NDUFAB1: variants seen among roughly 807,000 people sequenced by gnomAD.
The protein encoded by NDUFAB1 is acyl carrier protein, mitochondrial.
Under a neutral mutation model 16.1 loss-of-function variants are expected in NDUFAB1, and 5 were observed. That is an observed-to-expected ratio of 0.31 (90% CI 0.16 to 0.65). The LOEUF (loss-of-function observed/expected upper bound fraction) is 0.65. NDUFAB1 is among the 30% of genes least tolerant of loss of function. NDUFAB1 has a pLI of 0.77. For synonymous variants in NDUFAB1, 85 were observed against 78.4 expected, an observed-to-expected ratio of 1.08 and a Z score of -0.44; for missense variants, 187 against 205.3, an observed-to-expected ratio of 0.91 and a Z score of 0.54.
In NDUFAB1 at chr16:23,584,120, C is replaced by T. The variant is rs868058873; in HGVS notation, c.379+1216G>A. On this transcript the variant is annotated intron_variant, in intron 3 of 4. Transcript: ENST00000007516. ...CAAGTACCCAGGGACACAAACACTG[C>T]GGAAGGCCCCAGGGTCCTCTGCCTA... Among the ~76,000 whole-genome samples the T allele has an allele frequency of 1.1e-4, 17 of 151,350 alleles. No homozygotes were observed. The South Asian group carries it at 1.5e-3, about 13-fold the overall frequency.
At chr16:23,587,423 G>A (rs1391024070) in intron 1 of NDUFAB1, 104 bp from the exon 2 acceptor site, 4 of 1,391,912 alleles carry the variant, frequency 2.9e-6, no homozygotes, top group Non-Finnish European at 3.9e-6. Flanking sequence ...GGGCTTTAGA[G>A]AACCCACAGC....
chr16:23,582,723 C>A (rs940668123), intron 3 of NDUFAB1, among the ~76,000 whole-genome samples: 1 of 150,102 alleles, frequency 6.7e-6, no homozygotes, highest in Non-Finnish European at 1.5e-5. Context: ...CCTCTCCCCA[C>A]GGTCTCCCTC....
chr16:23,581,733 A>C (rs905758234), intron 4 of NDUFAB1: 4 of 152,226 alleles, frequency 2.6e-5, no homozygotes, highest in African/African-American at 9.6e-5. Context: ...TTTTGCTTTC[A>C]CAAAAGCCCC....
intron 1 of NDUFAB1, among the ~76,000 whole-genome samples, chr16:23,592,136 G>C (rs766255387): frequency 1.3e-5 from 2 of 152,270 alleles, no homozygotes; most frequent in African/African-American, 4.8e-5. Context: ...GATTTGGTGA[G>C]GAAAAGAGCT....
At chr16:23,583,673 GAA>G in intron 3 of NDUFAB1, among the ~76,000 whole-genome samples, 1 of 126,990 alleles carries the variant, frequency 7.9e-6, no homozygotes, top group African/African-American at 3.3e-5. Context: ...CCCCGTCTGA[GAA>G]GTGAGGAGCC....
intron 3 of NDUFAB1, among the ~76,000 whole-genome samples, chr16:23,585,019 C>T (rs1966221295): frequency 6.6e-6 from 1 of 152,150 alleles, no homozygotes; most frequent in African/African-American, 2.4e-5. Flanking sequence ...GCATGTGTTC[C>T]GGGGAGGCTT....
intron 3 of NDUFAB1, among the ~76,000 whole-genome samples, chr16:23,583,502 A>G (rs866664667): frequency 0.016 from 1,948 of 124,030 alleles, 18 homozygotes; most frequent in South Asian, 0.027. Flanking sequence ...CCTCTGCCCC[A>G]CTGCCCCGTC....
intron 3 of NDUFAB1, among the ~76,000 whole-genome samples, chr16:23,584,254 T>A (rs868415954): frequency 0.067 from 804 of 12,022 alleles, 73 homozygotes; most frequent in Non-Finnish European, 0.097. Flanking sequence ...GAATGATCAA[T>A]TAAAAAAAAA....
chr16:23,595,617 T>A (rs1372697585), intron 1 of NDUFAB1: 1 of 456,522 alleles, frequency 2.2e-6, no homozygotes, highest in Non-Finnish European at 4.4e-6. Flanking sequence ...CTTCCAGGAG[T>A]CCTGGACACA....
intron 1 of NDUFAB1, among the ~76,000 whole-genome samples, chr16:23,592,367 A>C (rs1219828607): frequency 6.6e-6 from 1 of 151,610 alleles, no homozygotes; most frequent in East Asian, 1.9e-4. Context: ...AAAGTCATGA[A>C]AGTGCAGTGC....
intron 3 of NDUFAB1, among the ~76,000 whole-genome samples, chr16:23,583,155 C>T (rs1028154803): frequency 1.3e-5 from 2 of 152,246 alleles, no homozygotes; most frequent in Non-Finnish European, 2.9e-5. Context: ...GTGGCGTGAT[C>T]TCGGCTAGCT....
At chr16:23,595,995 CG>C in intron 1 of NDUFAB1, 127 bp downstream of exon 1, 1 of 1,158,994 alleles carries the variant, frequency 8.6e-7, no homozygotes, top group Non-Finnish European at 1.2e-6. Context: ...AGCGGGGCTG[CG>C]GAGCGAGCCG....
At chr16:23,588,230 A>G (rs899960370) in intron 1 of NDUFAB1, among the ~76,000 whole-genome samples, 1 of 151,988 alleles carries the variant, frequency 6.6e-6, no homozygotes, top group Non-Finnish European at 1.5e-5. Flanking sequence ...CACGGTGAGC[A>G]GATCACCTGA....
intron 4 of NDUFAB1, 41 bp from the exon 5 acceptor site, chr16:23,581,214 T>G (rs1966176426): frequency 6.6e-6 from 1 of 152,388 alleles, no homozygotes; most frequent in South Asian, 2.1e-4. Flanking sequence ...TTTTGATGTA[T>G]TCTTACTAAT....
In NDUFAB1 at chr16:23,582,322, C is replaced by T. The variant is rs1471448241; in HGVS notation, c.433G>A (p.Val145Ile). Residue 145 changes from valine (V) to isoleucine (I), a missense_variant, in exon 4 of 5, where the codon GTA becomes ATA. Physicochemically the swap from Val to Ile is conservative, Grantham distance 29 (BLOSUM62 3). Around this residue, in one of 3 missense-constraint regions of NDUFAB1, gnomAD observed 32 missense variants for 28.8 expected, o/e 1.11. Coordinates refer to ENST00000007516, the MANE Select transcript of NDUFAB1 (RefSeq NM_005003.3). ...TCCTTCTTATCTGCAATGTAATCTA[C>T]AATTTCTTGTGGACACATTAACTTT... ...AEKLMCPQEIVDYIADKKDVY... is the reference protein window; with the variant it reads ...AEKLMCPQEIIDYIADKKDVY... The T allele has an allele frequency of 6.3e-7, 1 of 1,579,232 alleles. No homozygotes were observed. The highest frequency in any genetic ancestry group is 8.6e-7 in the Non-Finnish European group (1 of 1,164,106).
At chr16:23,582,186 C>G in intron 4 of NDUFAB1, 90 bp downstream of exon 4, 2 of 1,335,482 alleles carry the variant, frequency 1.5e-6, no homozygotes, top group Non-Finnish European at 1.9e-6. Context: ...CTTGGTCAAG[C>G]ATTTCCATTT....
chr16:23,582,735 CCCTCTCCCTCTT>C (rs1479246452), intron 3 of NDUFAB1, among the ~76,000 whole-genome samples: 2 of 151,642 alleles, frequency 1.3e-5, no homozygotes, highest in Admixed American at 6.6e-5. Flanking sequence ...GTCTCCCTCT[CCCTCTCCCTCTT>C]CCCACGGTCT....
chr16:23,594,568 G>A (rs1966306917), intron 1 of NDUFAB1, among the ~76,000 whole-genome samples: 1 of 151,660 alleles, frequency 6.6e-6, no homozygotes, highest in African/African-American at 2.4e-5. Context: ...TAGCCAGAAT[G>A]GTCTCGATCG....
rs534296611 is a variant in NDUFAB1, at chr16:23,594,179, C to T, written c.168+1944G>A. On this transcript the variant is annotated intron_variant, in intron 1 of 4. Transcript: ENST00000007516. ...TACAGGCGTGAGCCATCGCGCCTGG[C>T]CTTTAACCCTTAATTTCAAGGTGAC... Among the ~76,000 whole-genome samples the T allele has an allele frequency of 1.7e-3, 256 of 152,024 alleles. 1 individual carries two copies. The Middle Eastern group carries it at 0.02, about 12-fold the overall frequency.
Sources: allele counts gnomAD v4.1 joint callset (sites outside exome capture counted in the v4.1 genomes callset), GRCh38; gene constraint gnomAD v4.1.1; regional missense constraint gnomAD v4.1.1; transcripts MANE v1.5; gene names NCBI Gene and HGNC (gene_info 2026-07-23, HGNC 2026-07-21).